TET2: variants seen among roughly 807,000 people sequenced by gnomAD.
TET2 encodes methylcytosine dioxygenase TET2.
Under a neutral mutation model 142.9 loss-of-function variants are expected in TET2, and 299 were observed. The observed-to-expected ratio is 2.09, with a 90% CI of 1.90 to 2.30. The LOEUF is 2.30. Among genes scored for constraint, TET2 ranks in the 30% most tolerant of loss-of-function variants. The pLI is 0.00. For synonymous variants in TET2, 819 were observed against 849.0 expected, an observed-to-expected ratio of 0.96 and a Z score of 0.61; for missense variants, 2,418 against 2,378.0, an observed-to-expected ratio of 1.02 and a Z score of -0.35.
In TET2 at chr4:105,235,356, C is replaced by G. The variant is rs201255815; in HGVS notation, c.1414C>G (p.Pro472Ala). The change falls in exon 3 of 11, where the codon CCT (proline) becomes GCT (alanine). Residue 472 changes from proline (P) to alanine (A), a missense_variant. Coordinates refer to ENST00000380013, the MANE Select transcript of TET2 (RefSeq NM_001127208.3). The part of the protein sequence containing the change: ...SPNPSTHVCS[P>A]SPMLSERPQN... ...TAATCCATCTACACATGTATGCAGC[C>G]CTTCTCCGATGCTTTCTGAAAGGCC... 17 of 1,614,032 alleles carry G rather than the reference C, an allele frequency of 1.1e-5. No homozygotes were observed. The highest frequency in any genetic ancestry group is 1.4e-5 in the Non-Finnish European group (17 of 1,180,024).
At chr4:105,192,914 A>T (rs12505746) in intron 2 of TET2, among the ~76,000 whole-genome samples, 8 of 152,098 alleles carry the variant, frequency 5.3e-5, no homozygotes, top group African/African-American at 1.9e-4. Context: ...TCTGATAAAG[A>T]TATAAAAACA....
intron 1 of TET2, among the ~76,000 whole-genome samples, chr4:105,159,557 G>A (rs1235247196): frequency 1.6e-4 from 25 of 152,078 alleles, no homozygotes; most frequent in Non-Finnish European, 1.5e-5. Flanking sequence ...GCCCAGCTAA[G>A]ATTAATCTTT....
At chr4:105,237,833 T>A (rs1201777451) in intron 3 of TET2, 1 of 1,096,370 alleles carries the variant, frequency 9.1e-7, no homozygotes, top group East Asian at 5.5e-5. Context: ...TCAGTCTTCA[T>A]GAGTTGGGGG....
chr4:105,249,584 T>G (rs1729762256), intron 6 of TET2, among the ~76,000 whole-genome samples: 1 of 152,234 alleles, frequency 6.6e-6, no homozygotes, highest in Non-Finnish European at 1.5e-5. Context: ...AAGGTTCCAG[T>G]GTATCTCCAC....
chr4:105,216,485 G>C (rs1464538985), intron 2 of TET2, among the ~76,000 whole-genome samples: 1 of 152,000 alleles, frequency 6.6e-6, no homozygotes, highest in African/African-American at 2.4e-5. Flanking sequence ...ACTAAAATCA[G>C]ATTTTTTATA....
chr4:105,238,738 C>A lies in TET2; in HGVS notation c.3409+1387C>A, dbSNP rs558998488. On this transcript the variant is annotated intron_variant, in intron 3 of 10. Transcript: ENST00000380013. ...AGTAATCCATGAGGGTTGGAATCAA[C>A]TTCTAAACTCCTGTTAATGTTGATA... is the stretch of plus-strand genomic sequence containing the variant. The A allele has an allele frequency of 4.2e-5, 10 of 240,802 alleles. 1 individual carries two copies. The South Asian group carries it at 1.8e-3, about 44-fold the overall frequency. 14.9% of individuals were successfully genotyped at this position (240,802 alleles called of 1,614,324 possible). A position where few individuals can be genotyped will look rare whatever the true frequency, so the allele number is the denominator to read the frequency against.
Position 105,277,199 on chromosome 4 carries a change from T to G in TET2, c.*680T>G, listed in dbSNP as rs1021624666. 1 of 229,540 alleles carries G rather than the reference T, an allele frequency of 4.4e-6. No individual in the cohort carries two copies. Among genetic ancestry groups the G allele is most frequent in the African/African-American group, 2.2e-5 (1 of 45,162 alleles). 14.2% of individuals were successfully genotyped at this position (229,540 alleles called of 1,614,324 possible). ...ATGCTATCAGTGTACTCCAGTGCCCTTGAATAATAGGGGTACCTTTTCATT... is the reference window on the plus strand; with the variant it reads ...ATGCTATCAGTGTACTCCAGTGCCCGTGAATAATAGGGGTACCTTTTCATT... On this transcript the variant is annotated 3_prime_UTR_variant, in exon 11 of 11. Transcript: ENST00000380013.
At chr4:105,147,237 C>G (rs943608268) in intron 1 of TET2, among the ~76,000 whole-genome samples, 1 of 152,268 alleles carries the variant, frequency 6.6e-6, no homozygotes, top group African/African-American at 2.4e-5. Flanking sequence ...TCCCAGAAAA[C>G]TTACCTTTGT....
At chr4:105,166,749 CAG>C (rs567652714) in intron 1 of TET2, among the ~76,000 whole-genome samples, 37 of 152,184 alleles carry the variant, frequency 2.4e-4, no homozygotes, top group African/African-American at 7.5e-4. Context: ...AATTTTCTCT[CAG>C]AGCTTGGGAA....
intron 3 of TET2, chr4:105,240,987 G>GTTT: frequency 9.7e-7 from 1 of 1,029,408 alleles, no homozygotes; most frequent in Non-Finnish European, 1.2e-6. Flanking sequence ...AGCTTTAAAT[G>GTTT]TTTTTTTTTT....
At position 105,245,813 on chromosome 4, in the gene TET2, C is replaced by G. The variant is rs149925433; in HGVS notation, c.3803+2035C>G. On this transcript the variant is annotated intron_variant, in intron 6 of 10. Coordinates refer to ENST00000380013, the MANE Select transcript of TET2 (RefSeq NM_001127208.3). ...GCATTGTCTTTAAAGCATAATATCT[C>G]TTAGACTTGACGGTTTGAGATTCTA... Among the ~76,000 whole-genome samples, 1,247 of 152,250 alleles carry G rather than the reference C, an allele frequency of 8.2e-3. 13 individuals are homozygous for G. The highest frequency in any genetic ancestry group is 0.028 in the African/African-American group (1,169 of 41,544).
At chr4:105,169,158 A>ACAGC (rs1465427246) in intron 1 of TET2, among the ~76,000 whole-genome samples, 1 of 152,202 alleles carries the variant, frequency 6.6e-6, no homozygotes, top group Non-Finnish European at 1.5e-5. Context: ...AGGAATCTCC[A>ACAGC]CACTGTTTTC....
At chr4:105,229,168 G>T (rs1728349090) in intron 2 of TET2, among the ~76,000 whole-genome samples, 1 of 151,962 alleles carries the variant, frequency 6.6e-6, no homozygotes, top group Non-Finnish European at 1.5e-5. Flanking sequence ...TCTCAATTTG[G>T]ACTAGACACA....
Position 105,234,195 on chromosome 4 carries a change from TA to T in TET2, c.254del (p.Tyr85PhefsTer10), listed in dbSNP as rs765717203. 6.2e-7 allele frequency: 1 copy of T among 1,614,156 alleles called. No individual in the cohort carries two copies. The stretch of plus-strand genomic sequence containing the variant: ...TGACTTTACACAAGAAAGTAGAGGG[TA>T]TTCCAAGTGTTTGCAAAATGGAGGA... ...SPDFTQESRG[Y>X]SKCLQNGGIK... On this transcript the variant is annotated frameshift_variant, in exon 3 of 11. Coordinates refer to ENST00000380013, the MANE Select transcript of TET2 (RefSeq NM_001127208.3). LOFTEE classifies it high-confidence loss of function.
intron 9 of TET2, among the ~76,000 whole-genome samples, chr4:105,272,195 G>A (rs764609894): frequency 1.7e-4 from 26 of 152,156 alleles, no homozygotes; most frequent in South Asian, 1.7e-3. Context: ...TTTTGAAGAG[G>A]CTTCACATCT....
chr4:105,236,726 T>C lies in TET2; in HGVS notation c.2784T>C (p.Phe928=), dbSNP rs138128844. Residue 928 remains phenylalanine, a synonymous_variant, in exon 3 of 11, where the codon TTT becomes TTC. Coordinates refer to ENST00000380013, the MANE Select transcript of TET2 (RefSeq NM_001127208.3). The stretch of plus-strand genomic sequence containing the variant: ...TGATACATAACCATGCAAATGTTTT[T>C]CCTGTGCCTGACCAGGGAGGAAGTC... ...RYLIHNHANV[F]PVPDQGGSHT... is the part of the protein sequence containing the mutation. 50 of 1,614,146 alleles carry C rather than the reference T, an allele frequency of 3.1e-5. 1 individual carries two copies. The South Asian group carries it at 5.4e-4, about 17-fold the overall frequency.
intron 2 of TET2, among the ~76,000 whole-genome samples, chr4:105,213,803 TTC>T (rs1727312157): frequency 1.3e-5 from 2 of 152,168 alleles, no homozygotes; most frequent in South Asian, 4.1e-4. Context: ...CCAATTGTCA[TTC>T]TGTTTCCCAT....
intron 2 of TET2, among the ~76,000 whole-genome samples, chr4:105,204,999 T>G (rs1726733187): frequency 6.6e-6 from 1 of 152,156 alleles, no homozygotes; most frequent in Admixed American, 6.5e-5. Flanking sequence ...TTTCCTAAAT[T>G]AGTGATTTGG....
chr4:105,258,009 C>G (rs191473700), intron 6 of TET2, among the ~76,000 whole-genome samples: 19 of 152,292 alleles, frequency 1.2e-4, no homozygotes, highest in Non-Finnish European at 2.2e-4. Flanking sequence ...TCCAACCAAT[C>G]TGGCCTCCTC....
Sources: gnomAD v4.1 joint callset for allele counts (sites outside exome capture counted in the v4.1 genomes callset) on GRCh38, gnomAD v4.1.1 for gene constraint, MANE v1.5 for transcripts, NCBI Gene and HGNC (gene_info 2026-07-23, HGNC 2026-07-21) for gene names.